Variants in ABHD2 observed in about 807,000 individuals in gnomAD.
ABHD2 encodes the protein monoacylglycerol lipase ABHD2.
In ABHD2, 20 loss-of-function variants were observed where a neutral mutation model predicts 48.1. The observed-to-expected ratio is 0.42, with a 90% CI of 0.29 to 0.60. The LOEUF is 0.60. Ranked by LOEUF, ABHD2 falls within the 20% of genes least tolerant of loss-of-function variation. ABHD2 has a pLI of 0.24. For missense variants in ABHD2, 405 were observed against 550.9 expected (o/e 0.74, Z 2.65); for synonymous variants, 209 against 214.2 (o/e 0.98, Z 0.21).
rs144605336 is a variant in ABHD2, at chr15:89,154,190, G to A, written c.371-1177G>A. ...CAGCCTTGAACTACTGGGCTCAAACGATCCTCCTGCCTCAGCCTCGCAAAT... is the reference window on the plus strand; with the variant it reads ...CAGCCTTGAACTACTGGGCTCAAACAATCCTCCTGCCTCAGCCTCGCAAAT... On this transcript the variant is annotated intron_variant, in intron 4 of 10. Transcript: ENST00000352732. Among the ~76,000 whole-genome samples the A allele has an allele frequency of 2.6e-3, 389 of 152,198 alleles. 4 individuals carry two copies. The highest frequency in any genetic ancestry group is 3.7e-3 in the Non-Finnish European group (250 of 68,028).
chr15:89,196,862 C>T lies in ABHD2; in HGVS notation c.*1439C>T, dbSNP rs565021064. 3.3e-5 allele frequency: 5 copies of T among 152,714 alleles called. No homozygotes were observed. Among genetic ancestry groups the T allele is most frequent in the Middle Eastern group, 3.4e-3 (1 of 294 alleles). The allele number at this position is 152,714 out of a possible 1,614,324, so 9.5% of individuals were successfully genotyped here. The stretch of plus-strand genomic sequence containing the variant: ...CTAGGTTTCAAGTACTCCTTTTCTC[C>T]GATCCTGTGGTACTTGAATATCCAA... On this transcript the variant is annotated 3_prime_UTR_variant, in exon 11 of 11. Coordinates refer to ENST00000352732, the MANE Select transcript of ABHD2 (RefSeq NM_152924.5).
chr15:89,052,647 A>G, the ABHD2 span, among the ~76,000 whole-genome samples: 1 of 152,060 alleles, frequency 6.6e-6, no homozygotes, highest in East Asian at 1.9e-4. Context: ...TCTACAAGCC[A>G]AGGAGCTCGA....
chr15:89,100,738 G>A lies in ABHD2; in HGVS notation c.-107+12175G>A, dbSNP rs888222422. 6.6e-6 allele frequency among the ~76,000 whole-genome samples: 1 copy of A among 151,960 alleles called. No homozygotes were observed. The highest frequency in any genetic ancestry group is 2.4e-5 in the African/African-American group (1 of 41,356). On this transcript the variant is annotated intron_variant, in intron 1 of 10. Transcript: ENST00000352732. This position sits in a 1 kb window ranked among gnomAD's most constrained non-coding sequence, Gnocchi z 4.4. ...CAAAAAATTAGCCAGGTGTGGTGGC[G>A]GGCACCTGTAATACCAGCTACTCGG...
chr15:89,181,547 G>T (rs183821731), intron 6 of ABHD2, among the ~76,000 whole-genome samples: 1 of 152,058 alleles, frequency 6.6e-6, no homozygotes, highest in East Asian at 1.9e-4. Flanking sequence ...GGTCATGCTT[G>T]CCCATCCCAC....
intron 8 of ABHD2, among the ~76,000 whole-genome samples, chr15:89,190,597 A>C (rs549753755): frequency 1.3e-5 from 2 of 152,190 alleles, no homozygotes; most frequent in Admixed American, 6.5e-5. Context: ...TTATACTGCC[A>C]CAAGAGATGT....
intron 1 of ABHD2, among the ~76,000 whole-genome samples, chr15:89,108,222 G>A (rs968616721): frequency 6.6e-6 from 1 of 152,198 alleles, no homozygotes; most frequent in Non-Finnish European, 1.5e-5. Flanking sequence ...TTGAAAACAG[G>A]TTTTACAAGG....
the ABHD2 span, among the ~76,000 whole-genome samples, chr15:89,059,135 A>G: frequency 1.3e-5 from 2 of 152,164 alleles, no homozygotes; most frequent in East Asian, 3.9e-4. Flanking sequence ...CCTCTCCAGC[A>G]TCTCCCATCA....
chr15:89,080,838 G>T, the ABHD2 span, among the ~76,000 whole-genome samples: 2 of 151,956 alleles, frequency 1.3e-5, no homozygotes, highest in Non-Finnish European at 2.9e-5. Flanking sequence ...GAGATTACAG[G>T]CGTGAGCCAC....
In ABHD2 at chr15:89,155,554, G is replaced by A. The variant is rs1419203264; in HGVS notation, c.538+20G>A. 6.3e-7 allele frequency: 1 copy of A among 1,594,686 alleles called. No individual in the cohort carries two copies. The highest frequency in any genetic ancestry group is 2.3e-5 in the East Asian group (1 of 44,316). On this transcript the variant is annotated intron_variant, in intron 5 of 10. Coordinates refer to ENST00000352732, the MANE Select transcript of ABHD2 (RefSeq NM_152924.5). The surrounding 1 kb of genome is among the most constrained non-coding windows in gnomAD (Gnocchi z 4.9). ...CCTATGGTAAGCATGGCTAAGTGGA[G>A]TCCTCCCTTTTTCTGCAAGTGTGCT...
At chr15:89,042,464 A>T in the ABHD2 span, among the ~76,000 whole-genome samples, 1 of 152,086 alleles carries the variant, frequency 6.6e-6, no homozygotes, top group Non-Finnish European at 1.5e-5. Flanking sequence ...CCTCCGTCTT[A>T]TCTCTTCTAA....
At chr15:89,072,203 C>T in the ABHD2 span, among the ~76,000 whole-genome samples, 1 of 152,130 alleles carries the variant, frequency 6.6e-6, no homozygotes, top group Non-Finnish European at 1.5e-5. Context: ...GGGCCAGGTG[C>T]AGTGGCTCAT....
intron 3 of ABHD2, among the ~76,000 whole-genome samples, chr15:89,138,354 A>G (rs1246770803): frequency 6.6e-6 from 1 of 152,218 alleles, no homozygotes; most frequent in East Asian, 1.9e-4. Flanking sequence ...GTTTATTCTC[A>G]CCCATGAAAG....
the ABHD2 span, among the ~76,000 whole-genome samples, chr15:89,048,494 T>G: frequency 6.6e-6 from 1 of 152,156 alleles, no homozygotes. Flanking sequence ...GCAGAGTGTT[T>G]TCCAATTTGG....
chr15:89,051,142 A>G, the ABHD2 span, among the ~76,000 whole-genome samples: 1 of 152,174 alleles, frequency 6.6e-6, no homozygotes, highest in African/African-American at 2.4e-5. Flanking sequence ...CTGAGGCAGG[A>G]GAATTGCTTC....
intron 3 of ABHD2, among the ~76,000 whole-genome samples, chr15:89,132,028 TA>T (rs745649628): frequency 1.6e-4 from 25 of 152,084 alleles, no homozygotes; most frequent in African/African-American, 7.2e-5. Context: ...TTGGACTTTT[TA>T]AACAGGAGTT....
chr15:89,183,421 T>C (rs1346110957), intron 6 of ABHD2: 1 of 101,928 alleles, frequency 9.8e-6, no homozygotes, highest in Non-Finnish European at 2.1e-5. Context: ...ATATATGAGA[T>C]GAATGTAATA....
chr15:89,065,227 A>G, the ABHD2 span, among the ~76,000 whole-genome samples: 4 of 151,986 alleles, frequency 2.6e-5, no homozygotes, highest in Non-Finnish European at 5.9e-5. Flanking sequence ...CCTTCCTACT[A>G]GGTTGTTATC....
chr15:89,160,031 T>A (rs1484158115), intron 5 of ABHD2, among the ~76,000 whole-genome samples: 1 of 152,226 alleles, frequency 6.6e-6, no homozygotes, highest in African/African-American at 2.4e-5. Flanking sequence ...TTTGTTGAAA[T>A]GTAAAAATTA....
chr15:89,196,859 C>T lies in ABHD2; in HGVS notation c.*1436C>T, dbSNP rs1359623791. ...ACTCTAGGTTTCAAGTACTCCTTTT[C>T]TCCGATCCTGTGGTACTTGAATATC... On this transcript the variant is annotated 3_prime_UTR_variant, in exon 11 of 11. Coordinates refer to ENST00000352732, the MANE Select transcript of ABHD2 (RefSeq NM_152924.5). The T allele has an allele frequency of 6.6e-6, 1 of 152,654 alleles. No individual in the cohort carries two copies. The highest frequency in any genetic ancestry group is 6.5e-5 in the Admixed American group (1 of 15,286). The allele number at this position is 152,654 out of a possible 1,614,324, so 9.5% of individuals were successfully genotyped here.
Sources: allele counts gnomAD v4.1 joint callset (sites outside exome capture counted in the v4.1 genomes callset), GRCh38; gene constraint gnomAD v4.1.1; non-coding constraint Gnocchi (gnomAD v3.1); transcripts MANE v1.5; gene names NCBI Gene and HGNC (gene_info 2026-07-23, HGNC 2026-07-21).